Variants in TUB observed in about 807,000 individuals in gnomAD.
The protein encoded by TUB is TUB bipartite transcription factor.
A neutral mutation model predicts 59.7 loss-of-function variants in TUB; 33 were observed. The ratio of observed to expected loss-of-function variants is 0.55; its 90% confidence interval spans 0.42 to 0.74. TUB has a LOEUF of 0.74. Ranked by LOEUF, TUB falls within the 30% of genes least tolerant of loss-of-function variation. The pLI, the probability that TUB is intolerant of heterozygous loss-of-function variation, is 0.00. For synonymous variants in TUB, 293 were observed against 256.4 expected (o/e 1.14, Z -1.36); for missense variants, 659 against 672.0 (o/e 0.98, Z 0.21).
At chr11:8,064,824 G>A (rs1015388215) in intron 2 of TUB, among the ~76,000 whole-genome samples, 3 of 152,218 alleles carry the variant, frequency 2.0e-5, no homozygotes, top group African/African-American at 7.2e-5. Context: ...AGACATGGCT[G>A]GTGGGGCAGG....
At position 8,100,948 on chromosome 11, in the gene TUB, C is replaced by T. The variant is rs755107569; in HGVS notation, c.1338C>T (p.Arg446=). Residue 446 remains arginine (R), a synonymous_variant, in exon 11 of 12, where the codon CGC becomes CGT. Coordinates refer to ENST00000299506, the MANE Select transcript of TUB (RefSeq NM_177972.3). ...CCTATGTACTCAACTTCCATGGGCG[C>T]GTCACACAGGCCTCCGTGAAGAACT... ...TQSYVLNFHG[R]VTQASVKNFQ... The T allele has an allele frequency of 1.1e-5, 17 of 1,614,036 alleles. No individual in the cohort carries two copies. Among genetic ancestry groups the T allele is most frequent in the African/African-American group, 2.7e-5 (2 of 74,900 alleles).
At chr11:8,039,134 T>C in intron 1 of TUB, 2 of 1,366,584 alleles carry the variant, frequency 1.5e-6, no homozygotes, top group Non-Finnish European at 2.0e-6. Flanking sequence ...AGGCCTCCCC[T>C]TCCTGATGGT....
rs17847545 is a variant in TUB at position 8,098,938 on chromosome 11, C to T, written c.1116+63C>T. On this transcript the variant is annotated intron_variant, in intron 9 of 11. Transcript: ENST00000299506. ...AGATATGAAATCCAGGACTTGATGC[C>T]TGATCTAGGGGCTATCCCATCCATC... The T allele has an allele frequency of 5.9e-4, 705 of 1,201,226 alleles. 7 individuals are homozygous for T. The East Asian group carries it at 0.016, about 27-fold the overall frequency. 74.4% of individuals were successfully genotyped at this position (1,201,226 alleles called of 1,614,324 possible).
At chr11:8,027,609 G>A (rs907100116) in intron 1 of TUB, among the ~76,000 whole-genome samples, 5 of 152,136 alleles carry the variant, frequency 3.3e-5, no homozygotes, top group African/African-American at 1.2e-4. Context: ...CTGCCTCTCG[G>A]GTTCAAGCAA....
chr11:8,088,177 C>T (rs1943703613), intron 1 of TUB, among the ~76,000 whole-genome samples: 1 of 152,218 alleles, frequency 6.6e-6, no homozygotes, highest in Admixed American at 6.5e-5. Context: ...AAGACCTTCC[C>T]AGATGTCAAG....
chr11:8,100,762 C>T, intron 10 of TUB, 64 bp from the exon 11 acceptor site: 1 of 1,596,164 alleles, frequency 6.3e-7, no homozygotes, highest in East Asian at 2.2e-5. Context: ...CGGGATAGAT[C>T]CCTTTCTGGG....
Position 8,097,384 on chromosome 11 carries a change from C to A in TUB, c.844C>A (p.Pro282Thr). The A allele has an allele frequency of 6.2e-7, 1 of 1,614,188 alleles. No individual in the cohort carries two copies. The highest frequency in any genetic ancestry group is 8.5e-7 in the Non-Finnish European group (1 of 1,180,022). Reference sequence around the variant, plus strand: ...GAAAGGGATGGACCGGGGCATGTACCCCACCTACTTTCTGCACCTGGACCG... The same window carrying A: ...GAAAGGGATGGACCGGGGCATGTACACCACCTACTTTCTGCACCTGGACCG... Reference protein sequence around the residue: ...DKKGMDRGMYPTYFLHLDRED... With the variant: ...DKKGMDRGMYTTYFLHLDRED... Residue 282 changes from proline (P) to threonine (T), a missense_variant, in exon 7 of 12, where the codon CCC (proline) becomes ACC (threonine). Coordinates refer to ENST00000299506, the MANE Select transcript of TUB (RefSeq NM_177972.3).
chr11:8,038,549 A>T, upstream of TUB: 1 of 1,053,100 alleles, frequency 9.5e-7, no homozygotes, highest in Non-Finnish European at 1.2e-6. Flanking sequence ...TGCTATAGTA[A>T]CCCACAGATG....
intron 9 of TUB, 98 bp from the exon 10 acceptor site, chr11:8,100,405 G>A: frequency 3.3e-6 from 3 of 912,566 alleles, no homozygotes; most frequent in South Asian, 1.4e-5. Context: ...GAGTGGAGAT[G>A]GTGGGAACTA....
chr11:8,101,325 T>C (rs1184001180), intron 11 of TUB, among the ~76,000 whole-genome samples, 161 bp from the exon 12 acceptor site: 1 of 152,158 alleles, frequency 6.6e-6, no homozygotes, highest in African/African-American at 2.4e-5. Context: ...TCCTGCCACT[T>C]CTCCCAATTG....
upstream of TUB, among the ~76,000 whole-genome samples, chr11:8,081,149 T>A (rs1589955254): frequency 9.8e-6 from 1 of 102,464 alleles, no homozygotes; most frequent in Non-Finnish European, 2.1e-5. Context: ...GGGGGTGGGG[T>A]CTCTGCGGGG....
chr11:8,095,354 A>G lies in TUB; in HGVS notation c.398-144A>G, dbSNP rs902287107. The G allele has an allele frequency of 5.2e-6, 4 of 767,454 alleles. No homozygotes were observed. In the Middle Eastern group the frequency reaches 1.6e-3, roughly 308 times the overall value. The allele number at this position is 767,454 out of a possible 1,614,324, so 47.5% of individuals were successfully genotyped here. ...CAGTTGTTAACAGGCTGGTGCAATCATTAGTTTTATAAAAATCACTTTTGC... is the reference window on the plus strand; with the variant it reads ...CAGTTGTTAACAGGCTGGTGCAATCGTTAGTTTTATAAAAATCACTTTTGC... On this transcript the variant is annotated intron_variant, in intron 4 of 11. Transcript: ENST00000299506.
chr11:8,106,237 T>TTCAACACTTCTGTGTACTTTTTTCA (rs1199799599), exon 12 of TUB: 1 of 152,212 alleles, frequency 6.6e-6, no homozygotes, highest in Non-Finnish European at 1.5e-5. Flanking sequence ...CTTGAATCGT[T>TTCAACACTTCTGTGTACTTTTTTCA]TCAACACTTC....
chr11:8,105,601 C>G lies in TUB; in HGVS notation c.*3982C>G, dbSNP rs1034764513. 3 of 152,112 alleles carry G rather than the reference C, an allele frequency of 2.0e-5. No individual in the cohort carries two copies. The highest frequency in any genetic ancestry group is 7.2e-5 in the African/African-American group (3 of 41,424). The allele number at this position is 152,112 out of a possible 1,614,324, so 9.4% of individuals were successfully genotyped here. On this transcript the variant is annotated 3_prime_UTR_variant, in exon 12 of 12. Coordinates refer to ENST00000299506, the MANE Select transcript of TUB (RefSeq NM_177972.3). ...AGCAAACCACATAATCTCTCTAGGT[C>G]CATTTTCCTAACCACAAGATAAAGA...
intron 9 of TUB, 105 bp downstream of exon 9, chr11:8,098,980 G>GCTGTGTGGAGAGGGGCTGTC (rs1463344823): frequency 4.7e-6 from 4 of 852,858 alleles, no homozygotes; most frequent in South Asian, 3.0e-5. Context: ...GGTAGACAAG[G>GCTGTGTGGAGAGGGGCTGTC]CTGTGTGGAG....
chr11:8,019,385 G>C (rs1397688211), intron 1 of TUB: 15 of 1,236,468 alleles, frequency 1.2e-5, no homozygotes, highest in East Asian at 3.2e-5. Flanking sequence ...GTGGCCCTGC[G>C]TGAGCGCCTG....
chr11:8,077,488 T>A (rs1943467828), upstream of TUB: 1 of 152,210 alleles, frequency 6.6e-6, no homozygotes, highest in South Asian at 2.1e-4. Context: ...GCTCATGTCA[T>A]CCTCTGTCTG....
chr11:8,096,585 A>G, intron 5 of TUB, 100 bp from the exon 6 acceptor site: 1 of 794,964 alleles, frequency 1.3e-6, no homozygotes, highest in Non-Finnish European at 2.2e-6. Flanking sequence ...GTGGGGGTAC[A>G]GGTGAGTCAG....
Position 8,101,846 on chromosome 11 carries a change from T to TGA in TUB, c.*227_*228insGA. On this transcript the variant is annotated 3_prime_UTR_variant, in exon 12 of 12. Transcript: ENST00000299506. ...GGTGGGTGTGAAGGGATGAGAATAATTCTTTCCATGCCACGAGATCAACAC... is the reference window on the plus strand; with the variant it reads ...GGTGGGTGTGAAGGGATGAGAATAATGATCTTTCCATGCCACGAGATCAACAC... 1 of 503,052 alleles carries TGA rather than the reference T, an allele frequency of 2.0e-6. No individual in the cohort carries two copies. The highest frequency in any genetic ancestry group is 3.2e-6 in the Non-Finnish European group (1 of 317,162). The allele number at this position is 503,052 out of a possible 1,614,324, so 31.2% of individuals were successfully genotyped here.
Sources: allele counts gnomAD v4.1 joint callset (sites outside exome capture counted in the v4.1 genomes callset), GRCh38; gene constraint gnomAD v4.1.1; transcripts MANE v1.5; gene names NCBI Gene and HGNC (gene_info 2026-07-23, HGNC 2026-07-21).